ODF2L: variants seen among roughly 807,000 people sequenced by gnomAD.
ODF2L encodes the protein protein BCAP.
ODF2L carries 76 observed loss-of-function variants against 86.3 expected under a neutral mutation model. The ratio of observed to expected loss-of-function variants is 0.88; its 90% CI spans 0.73 to 1.07. ODF2L has a LOEUF of 1.07. Among genes scored for constraint, ODF2L ranks in the 50% least tolerant of loss-of-function variants. The pLI is 0.00. For synonymous variants in ODF2L, 241 were observed against 231.3 expected, an observed-to-expected ratio of 1.04 and a Z score of -0.38; for missense variants, 748 against 717.4, an observed-to-expected ratio of 1.04 and a Z score of -0.49.
chr1:86,380,308 C>CT (rs550829455), intron 7 of ODF2L, among the ~76,000 whole-genome samples: 6 of 152,120 alleles, frequency 3.9e-5, no homozygotes, highest in Middle Eastern at 3.4e-3. Flanking sequence ...ACTAAGTAAA[C>CT]TAAGAGAAGG....
chr1:86,374,758 C>A (rs137875332), intron 8 of ODF2L, among the ~76,000 whole-genome samples: 2 of 152,164 alleles, frequency 1.3e-5, no homozygotes, highest in Non-Finnish European at 1.5e-5. Flanking sequence ...AGACCACAGA[C>A]GTTTACAAAT....
rs868092016 is a variant in ODF2L, at chr1:86,366,441, T to C, written c.1143+2195A>G. On this transcript the variant is annotated intron_variant, in intron 11 of 17. Transcript: ENST00000317336. ...ACACACACACACACACACATACACA[T>C]ACACATACACACACATTCACACACA... 5.1e-3 allele frequency among the ~76,000 whole-genome samples: 625 copies of C among 121,984 alleles called. 3 individuals are homozygous for C. The highest frequency in any genetic ancestry group is 0.021 in the Middle Eastern group (5 of 234). 80.0% of individuals were successfully genotyped at this position (121,984 alleles called of 152,430 possible). A position where few individuals can be genotyped will look rare whatever the true frequency, so the allele number is the denominator to read the frequency against.
intron 11 of ODF2L, among the ~76,000 whole-genome samples, chr1:86,364,551 A>G (rs1677441831): frequency 6.6e-6 from 1 of 152,236 alleles, no homozygotes; most frequent in South Asian, 2.1e-4. Flanking sequence ...AGAAGACTAC[A>G]TTCCCTAGTC....
At chr1:86,382,999 G>T in exon 6 of ODF2L, 1 of 1,501,526 alleles carries the variant, frequency 6.7e-7, no homozygotes, top group Non-Finnish European at 9.3e-7. Flanking sequence ...TTCTTCTTAA[G>T]ATTCTTGAGC....
intron 12 of ODF2L, among the ~76,000 whole-genome samples, chr1:86,360,153 T>G (rs1416689340): frequency 6.6e-6 from 1 of 152,166 alleles, no homozygotes; most frequent in East Asian, 1.9e-4. Flanking sequence ...TTAACAAGAA[T>G]ACATTAAGGG....
At chr1:86,372,181 C>T (rs1457976838) in intron 9 of ODF2L, among the ~76,000 whole-genome samples, 1 of 139,804 alleles carries the variant, frequency 7.2e-6, no homozygotes, top group African/African-American at 2.6e-5. Flanking sequence ...AAGTGAGACT[C>T]CATCTCAAAA....
At chr1:86,349,958 T>C (rs980352242), downstream of ODF2L, 1 of 165,238 alleles carries the variant, frequency 6.1e-6, no homozygotes, top group Non-Finnish European at 1.2e-5. Context: ...GAAGCAGGTA[T>C]ATTAAATAAA....
exon 1 of ODF2L, chr1:86,396,081 C>G (rs1661724826): frequency 1.3e-5 from 2 of 152,414 alleles, no homozygotes; most frequent in South Asian, 4.1e-4. Context: ...CCCGCCGTCG[C>G]CGCGATATAA....
rs1416484263 is a variant in ODF2L at position 86,358,082 on chromosome 1, T to C, written c.1359+705A>G. The stretch of plus-strand genomic sequence containing the variant: ...TCTGGCTGACCTCTTCTTCACATTA[T>C]TGCCTTGCTCTGACTTCTCAATCCT... On this transcript the variant is annotated intron_variant, in intron 13 of 17. Transcript: ENST00000317336. 3 of 985,478 alleles carry C rather than the reference T, an allele frequency of 3.0e-6. No individual in the cohort carries two copies. The African/African-American group carries it at 5.2e-5, about 17-fold the overall frequency. The allele number at this position is 985,478 out of a possible 1,614,324, so 61.0% of individuals were successfully genotyped here.
intron 1 of ODF2L, among the ~76,000 whole-genome samples, chr1:86,392,482 T>C (rs555162175): frequency 4.4e-4 from 67 of 152,164 alleles, no homozygotes; most frequent in African/African-American, 1.5e-3. Flanking sequence ...TACTCAGCCA[T>C]AAAAAGGAAT....
Position 86,384,185 on chromosome 1 carries a change from GA to G in ODF2L, c.372+490del, listed in dbSNP as rs536598335. Among the ~76,000 whole-genome samples the G allele has an allele frequency of 7.2e-5, 11 of 151,836 alleles. No individual in the cohort carries two copies. The South Asian group carries it at 2.3e-3, about 31-fold the overall frequency. ...GGAAAAAGCCAAAAGGGAGTCAGAA[GA>G]ATAATTTAGGTGATTTAAAGGGATA... On this transcript the variant is annotated intron_variant, in intron 4 of 17. Coordinates refer to ENST00000317336, the Ensembl canonical transcript of ODF2L.
chr1:86,383,546 T>C (rs1462058752), intron 4 of ODF2L, among the ~76,000 whole-genome samples: 1 of 151,682 alleles, frequency 6.6e-6, no homozygotes, highest in Non-Finnish European at 1.5e-5. Context: ...TTATCAACAA[T>C]CTAAATTCTA....
chr1:86,385,541 T>A lies in ODF2L; in HGVS notation c.163A>T (p.Lys55Ter), dbSNP rs1483421784. 1 of 1,608,944 alleles carries A rather than the reference T, an allele frequency of 6.2e-7. No individual in the cohort carries two copies. Among genetic ancestry groups the A allele is most frequent in the African/African-American group, 1.3e-5 (1 of 74,796 alleles). Reference sequence around the variant, plus strand: ...GAATGAGTTACCAACTCCGCTTCCTTAAGTGTTGCTTCCAATTCAGTCTTT... The same window carrying A: ...GAATGAGTTACCAACTCCGCTTCCTAAAGTGTTGCTTCCAATTCAGTCTTT... Residue 55 changes from lysine to a stop codon, truncating the protein, a stop_gained, in exon 3 of 18, where the codon AAG becomes TAG. Transcript: ENST00000317336. LOFTEE classifies it high-confidence loss of function.
At chr1:86,379,223 A>G (rs1202400819) in intron 7 of ODF2L, among the ~76,000 whole-genome samples, 2 of 152,160 alleles carry the variant, frequency 1.3e-5, no homozygotes, top group South Asian at 2.1e-4. Flanking sequence ...TTTTCTTTAT[A>G]AACTATGCAG....
downstream of ODF2L, chr1:86,348,539 A>G: frequency 3.3e-6 from 1 of 299,692 alleles, no homozygotes; most frequent in Non-Finnish European, 5.5e-6. Flanking sequence ...AAAGATAAAT[A>G]AGAATTATCC....
chr1:86,376,379 T>G, exon 8 of ODF2L: 3 of 1,605,462 alleles, frequency 1.9e-6, no homozygotes, highest in South Asian at 2.3e-5. Flanking sequence ...TTATTCATTC[T>G]TGATTGCAGG....
At chr1:86,379,687 G>A (rs1401020065) in intron 7 of ODF2L, among the ~76,000 whole-genome samples, 1 of 152,094 alleles carries the variant, frequency 6.6e-6, no homozygotes, top group Non-Finnish European at 1.5e-5. Context: ...GATTTAGGGG[G>A]CACGCCCTGA....
At position 86,371,012 on chromosome 1, in the gene ODF2L, T is replaced by C. The variant is rs375664914; in HGVS notation, c.1056+6A>G. 3.7e-5 allele frequency: 58 copies of C among 1,555,882 alleles called. No individual in the cohort carries two copies. The Admixed American group carries it at 9.6e-4, about 26-fold the overall frequency. On this transcript the variant is annotated splice_donor_region_variant and intron_variant, in intron 10 of 17. Coordinates refer to ENST00000317336, the Ensembl canonical transcript of ODF2L. ...ACATGCCTGCTCAAACACTCATACA[T>C]AGTACCTTTAATTTTGTATTCTCAA...
chr1:86,367,674 C>T (rs1659535998), intron 11 of ODF2L, among the ~76,000 whole-genome samples: 2 of 151,550 alleles, frequency 1.3e-5, no homozygotes, highest in South Asian at 2.1e-4. Context: ...AAGAAAAAAA[C>T]ATTTATAAAC....
Sources: allele counts gnomAD v4.1 joint callset (sites outside exome capture counted in the v4.1 genomes callset), GRCh38; gene constraint gnomAD v4.1.1; transcripts MANE v1.5; gene names NCBI Gene and HGNC (gene_info 2026-07-23, HGNC 2026-07-21).